Variants in CFAP299 observed in about 807,000 individuals in gnomAD.
CFAP299 encodes the protein cilia- and flagella-associated protein 299.
Under a neutral mutation model 27.0 loss-of-function variants are expected in CFAP299, and 21 were observed. The observed-to-expected ratio is 0.78, with a 90% CI of 0.55 to 1.12. The LOEUF (loss-of-function observed/expected upper bound fraction) is 1.12. Ranked by LOEUF, CFAP299 falls within the 50% of genes most tolerant of loss-of-function variation. The pLI, the probability that CFAP299 is intolerant of heterozygous loss-of-function variation, is 0.00. For synonymous variants in CFAP299, 104 were observed against 98.1 expected (o/e 1.06, Z -0.36); for missense variants, 310 against 276.6 (o/e 1.12, Z -0.86).
chr4:80,524,908 A>C (rs1409059640), intron 2 of CFAP299, among the ~76,000 whole-genome samples: 1 of 152,066 alleles, frequency 6.6e-6, no homozygotes, highest in African/African-American at 2.4e-5. Context: ...CTGTATTCTC[A>C]TCTAAGGGAT....
rs148772120 is a variant in CFAP299 at position 80,505,997 on chromosome 4, C to T, written c.243-77096C>T. On this transcript the variant is annotated intron_variant, in intron 2 of 5. Coordinates refer to ENST00000358105, the MANE Select transcript of CFAP299 (RefSeq NM_152770.3). ...ATGTGTACACACACACACGTGTGTG[C>T]GTGTAAATATATATAAATATATATA... Among the ~76,000 whole-genome samples, 1,177 of 149,068 alleles carry T rather than the reference C, an allele frequency of 7.9e-3. 7 individuals carry two copies. Among genetic ancestry groups the T allele is most frequent in the Middle Eastern group, 0.018 (5 of 282 alleles).
At chr4:80,533,867 A>C (rs75836182) in intron 2 of CFAP299, among the ~76,000 whole-genome samples, 1 of 152,114 alleles carries the variant, frequency 6.6e-6, no homozygotes, top group South Asian at 2.1e-4. Context: ...TGTAAAAAAA[A>C]CTGTTTCATG....
intron 2 of CFAP299, among the ~76,000 whole-genome samples, chr4:80,530,298 A>G (rs967108733): frequency 6.6e-6 from 1 of 152,188 alleles, no homozygotes; most frequent in Non-Finnish European, 1.5e-5. Flanking sequence ...CAAAAATATT[A>G]TACATTTTAT....
chr4:80,825,942 T>C (rs951700610), intron 3 of CFAP299, among the ~76,000 whole-genome samples: 1 of 151,912 alleles, frequency 6.6e-6, no homozygotes, highest in Admixed American at 6.6e-5. Flanking sequence ...GTCCAAAAAC[T>C]AGTATTATTG....
Position 80,778,845 on chromosome 4 carries a change from A to G in CFAP299, c.334-91148A>G, listed in dbSNP as rs80243538. ...GTCATTGACACAATCCACCAATCTC[A>G]CTGAGATTGCCCCAGTTTTACTTGT... On this transcript the variant is annotated intron_variant, in intron 3 of 5. Transcript: ENST00000358105. Among the ~76,000 whole-genome samples the G allele has an allele frequency of 1.1e-3, 169 of 152,054 alleles. 1 individual carries two copies. In the East Asian group the frequency reaches 0.03, roughly 27 times the overall value.
intron 2 of CFAP299, among the ~76,000 whole-genome samples, chr4:80,459,306 C>T (rs1729324386): frequency 6.6e-6 from 1 of 152,140 alleles, no homozygotes; most frequent in African/African-American, 2.4e-5. Flanking sequence ...CTTATGAAGA[C>T]AAACTCTCCC....
intron 4 of CFAP299, among the ~76,000 whole-genome samples, chr4:80,931,045 G>C (rs1736588405): frequency 6.6e-6 from 1 of 152,068 alleles, no homozygotes; most frequent in African/African-American, 2.4e-5. Flanking sequence ...ATAAGGCAGG[G>C]ACTGTATCTT....
rs1476416432 is a variant in CFAP299 at position 80,878,027 on chromosome 4, TA to T, written c.476+7897del. ...TACATAACATCACCATTATTTTAGA[TA>T]AAAATTCATAATTATTTTCTACTGT... On this transcript the variant is annotated intron_variant, in intron 4 of 5. Coordinates refer to ENST00000358105, the MANE Select transcript of CFAP299 (RefSeq NM_152770.3). Among the ~76,000 whole-genome samples, 5 of 152,268 alleles carry T rather than the reference TA, an allele frequency of 3.3e-5. No individual in the cohort carries two copies. In the East Asian group the frequency reaches 5.8e-4, roughly 18 times the overall value.
chr4:80,936,298 TA>T (rs1376456606), intron 4 of CFAP299, among the ~76,000 whole-genome samples: 2 of 151,998 alleles, frequency 1.3e-5, no homozygotes, highest in African/African-American at 4.8e-5. Context: ...GGTATATACC[TA>T]AAGGAATATA....
intron 2 of CFAP299, among the ~76,000 whole-genome samples, chr4:80,532,901 A>C (rs1418037685): frequency 2.0e-5 from 3 of 152,342 alleles, no homozygotes; most frequent in South Asian, 2.1e-4. Flanking sequence ...ACCTCCCACA[A>C]AGGGAAAGCT....
intron 4 of CFAP299, among the ~76,000 whole-genome samples, chr4:80,916,295 A>ATATATATATATTTT (rs1405206483): frequency 8.0e-6 from 1 of 125,570 alleles, no homozygotes; most frequent in African/African-American, 3.2e-5. Context: ...ATATATATAT[A>ATATATATATATTTT]TTTCAGGTAC....
chr4:80,632,074 C>A (rs1471713722), intron 3 of CFAP299, among the ~76,000 whole-genome samples: 2 of 151,954 alleles, frequency 1.3e-5, no homozygotes, highest in Admixed American at 6.6e-5. Flanking sequence ...AATGCTGGCA[C>A]CCTGATCTTA....
At chr4:80,473,682 C>T (rs1053932402) in intron 2 of CFAP299, among the ~76,000 whole-genome samples, 20 of 152,058 alleles carry the variant, frequency 1.3e-4, no homozygotes, top group Admixed American at 2.6e-4. Context: ...GCCTTCTTCC[C>T]GCCTCAGCTT....
chr4:80,961,638 A>C (rs776522329), intron 5 of CFAP299, among the ~76,000 whole-genome samples: 20 of 151,884 alleles, frequency 1.3e-4, no homozygotes, highest in Non-Finnish European at 2.5e-4. Flanking sequence ...TTTCTAAATT[A>C]TAAGCATCTA....
intron 2 of CFAP299, among the ~76,000 whole-genome samples, chr4:80,531,475 C>T (rs987737338): frequency 5.3e-5 from 8 of 152,178 alleles, no homozygotes; most frequent in African/African-American, 1.9e-4. Flanking sequence ...GAACTAGGCA[C>T]CACCTACAGT....
In CFAP299 at chr4:80,819,835, A is replaced by C. The variant is rs187086230; in HGVS notation, c.334-50158A>C. Among the ~76,000 whole-genome samples the C allele has an allele frequency of 3.4e-3, 511 of 152,276 alleles. 1 individual carries two copies. Among genetic ancestry groups the C allele is most frequent in the Middle Eastern group, 0.014 (4 of 294 alleles). ...CTTATATTAAGTTTAGACTCTAAAAAGGGCTCCATTCTTGCAACTAGTCAA... is the reference window on the plus strand; with the variant it reads ...CTTATATTAAGTTTAGACTCTAAAACGGGCTCCATTCTTGCAACTAGTCAA... On this transcript the variant is annotated intron_variant, in intron 3 of 5. Coordinates refer to ENST00000358105, the MANE Select transcript of CFAP299 (RefSeq NM_152770.3).
chr4:80,383,767 A>G (rs1259036995), intron 2 of CFAP299, among the ~76,000 whole-genome samples: 1 of 152,152 alleles, frequency 6.6e-6, no homozygotes, highest in Non-Finnish European at 1.5e-5. Context: ...AACTATATTG[A>G]GCAATTGTCT....
chr4:80,671,901 A>T (rs1741507131), intron 3 of CFAP299, among the ~76,000 whole-genome samples: 1 of 152,172 alleles, frequency 6.6e-6, no homozygotes, highest in South Asian at 2.1e-4. Context: ...TTGGACTGAG[A>T]TGATGGGGTT....
intron 3 of CFAP299, among the ~76,000 whole-genome samples, chr4:80,697,063 G>T (rs1002826753): frequency 2.0e-5 from 3 of 152,270 alleles, no homozygotes; most frequent in Non-Finnish European, 4.4e-5. Context: ...AGTTATTTCT[G>T]CTGGGAGCAG....
Sources: allele counts gnomAD v4.1 joint callset (sites outside exome capture counted in the v4.1 genomes callset), GRCh38; gene constraint gnomAD v4.1.1; transcripts MANE v1.5; gene names NCBI Gene and HGNC (gene_info 2026-07-23, HGNC 2026-07-21).